Variants in WWP2 observed in about 807,000 individuals in gnomAD.
WWP2 encodes the protein NEDD4-like E3 ubiquitin-protein ligase WWP2.
A neutral mutation model predicts 121.0 loss-of-function variants in WWP2; 57 were observed. That is an observed-to-expected ratio of 0.47 (90% CI 0.38 to 0.59). The LOEUF (loss-of-function observed/expected upper bound fraction) is 0.59, where lower values mean the gene tolerates loss of function less well. Ranked by LOEUF, WWP2 falls within the 20% of genes least tolerant of loss-of-function variation. The probability of loss-of-function intolerance (pLI) is 0.00; values close to 1 mark genes in which losing one functional copy is unlikely to be tolerated. For missense variants in WWP2, 962 were observed against 1,158.9 expected, an observed-to-expected ratio of 0.83 and a Z score of 2.47; for synonymous variants, 449 against 441.3, an observed-to-expected ratio of 1.02 and a Z score of -0.22.
chr16:69,802,759 A>G (rs1318975857), intron 4 of WWP2, among the ~76,000 whole-genome samples: 1 of 151,796 alleles, frequency 6.6e-6, no homozygotes, highest in African/African-American at 2.4e-5. Flanking sequence ...ACCTGCCACC[A>G]TGCCCAGCTA....
At chr16:69,773,758 A>C (rs1360935101) in intron 1 of WWP2, among the ~76,000 whole-genome samples, 1 of 152,198 alleles carries the variant, frequency 6.6e-6, no homozygotes, top group Non-Finnish European at 1.5e-5. Flanking sequence ...CTTGGATTAC[A>C]GGCATGAGCC....
At chr16:69,929,568 G>T (rs374211311) in intron 12 of WWP2, 39 bp downstream of exon 12, 34 of 1,587,846 alleles carry the variant, frequency 2.1e-5, no homozygotes, top group Non-Finnish European at 1.7e-6. Context: ...GGCTGGGCTG[G>T]GTCTCTGTGC....
chr16:69,826,498 G>C (rs2056692984), intron 4 of WWP2, among the ~76,000 whole-genome samples: 1 of 151,042 alleles, frequency 6.6e-6, no homozygotes, highest in Non-Finnish European at 1.5e-5. Context: ...GCTGAACCCA[G>C]GAGGCAGAGG....
chr16:69,885,771 A>G (rs2057912095), intron 7 of WWP2, among the ~76,000 whole-genome samples: 1 of 152,206 alleles, frequency 6.6e-6, no homozygotes, highest in African/African-American at 2.4e-5. Context: ...AAGTGGGGAT[A>G]TCAATTGTAA....
At chr16:69,924,935 G>A (rs2058617689) in intron 10 of WWP2, 13 of 986,646 alleles carry the variant, frequency 1.3e-5, no homozygotes, top group Non-Finnish European at 1.6e-5. Flanking sequence ...GGAAGCTCTG[G>A]GCGTGGGCAG....
chr16:69,779,695 T>A (rs1018567695), intron 1 of WWP2, among the ~76,000 whole-genome samples: 1 of 152,216 alleles, frequency 6.6e-6, no homozygotes, highest in East Asian at 1.9e-4. Context: ...TTGAGTTGCC[T>A]TAGGAAAGAA....
chr16:69,812,735 C>A (rs1318558751), intron 4 of WWP2, among the ~76,000 whole-genome samples: 1 of 152,000 alleles, frequency 6.6e-6, no homozygotes, highest in Non-Finnish European at 1.5e-5. Context: ...GCAGGAACAC[C>A]CAGGAGTGAC....
rs758959430 is a variant in WWP2, at chr16:69,937,661, C to G, written c.2343+9C>G. 6.2e-7 allele frequency: 1 copy of G among 1,613,482 alleles called. No individual in the cohort carries two copies. Among genetic ancestry groups the G allele is most frequent in the African/African-American group, 1.3e-5 (1 of 74,858 alleles). ...TCCAGTGGTTCTGGCAGGTGGGTCC[C>G]GGGCCCAGGCCTTGGCAGGGACATT... is the stretch of plus-strand genomic sequence containing the variant. On this transcript the variant is annotated intron_variant, in intron 21 of 23. Coordinates refer to ENST00000359154, the MANE Select transcript of WWP2 (RefSeq NM_001270454.2). The surrounding 1 kb of genome is among the most constrained non-coding windows in gnomAD (Gnocchi z 6.6).
intron 7 of WWP2, among the ~76,000 whole-genome samples, chr16:69,879,840 A>G (rs930496030): frequency 3.9e-5 from 6 of 152,176 alleles, no homozygotes; most frequent in African/African-American, 1.4e-4. Flanking sequence ...AAGTTTTCCC[A>G]TATCACTGTT....
At chr16:69,900,928 G>C (rs568889440) in intron 8 of WWP2, among the ~76,000 whole-genome samples, 2 of 152,298 alleles carry the variant, frequency 1.3e-5, no homozygotes, top group African/African-American at 4.8e-5. Flanking sequence ...TCCTGTGTTT[G>C]GAGGCATAAA....
intron 4 of WWP2, among the ~76,000 whole-genome samples, chr16:69,810,094 G>A (rs2056359488): frequency 6.6e-6 from 1 of 152,232 alleles, no homozygotes; most frequent in Non-Finnish European, 1.5e-5. Flanking sequence ...ATGGGCGATG[G>A]TTGCCCTAAC....
At chr16:69,774,330 A>G (rs966155544) in intron 1 of WWP2, among the ~76,000 whole-genome samples, 2 of 151,830 alleles carry the variant, frequency 1.3e-5, no homozygotes, top group African/African-American at 2.4e-5. Flanking sequence ...ATCATAGCTC[A>G]CTGCAGCCTA....
intron 4 of WWP2, among the ~76,000 whole-genome samples, chr16:69,833,145 C>T (rs1047082947): frequency 1.3e-5 from 2 of 152,270 alleles, no homozygotes; most frequent in African/African-American, 4.8e-5. Flanking sequence ...AGGCGTGAGC[C>T]ACTGTGCTCA....
In WWP2 at chr16:69,799,375, T is replaced by G; in HGVS notation, c.340+80T>G. On this transcript the variant is annotated intron_variant, in intron 4 of 23. Transcript: ENST00000359154. The surrounding 1 kb of genome is among the most constrained non-coding windows in gnomAD (Gnocchi z 4.5). ...TGGCAGATCAACCTGGTATTGCAAT[T>G]TCCCCCAGGACTAGGGGCTGCAGTA... is the stretch of plus-strand genomic sequence containing the variant. 214 of 1,460,598 alleles carry G rather than the reference T, an allele frequency of 1.5e-4. No homozygotes were observed. Among genetic ancestry groups the G allele is most frequent in the East Asian group, 2.7e-4 (11 of 40,598 alleles). The allele number at this position is 1,460,598 out of a possible 1,614,324, so 90.5% of individuals were successfully genotyped here.
At chr16:69,845,240 G>A (rs558096891) in intron 6 of WWP2, among the ~76,000 whole-genome samples, 8 of 152,264 alleles carry the variant, frequency 5.3e-5, no homozygotes, top group African/African-American at 7.2e-5. Flanking sequence ...GGGAGCACTC[G>A]GTGGAAGTGG....
intron 4 of WWP2, among the ~76,000 whole-genome samples, chr16:69,822,534 T>G (rs988070323): frequency 4.0e-5 from 6 of 150,150 alleles, no homozygotes; most frequent in East Asian, 2.0e-4. Context: ...CTGGGTGGGG[T>G]GTGTGTGTGT....
At chr16:69,854,362 T>C (rs368303803) in intron 6 of WWP2, among the ~76,000 whole-genome samples, 1 of 152,130 alleles carries the variant, frequency 6.6e-6, no homozygotes, top group Non-Finnish European at 1.5e-5. Context: ...TTTGGTGAGA[T>C]GAGGTTCGAC....
intron 5 of WWP2, among the ~76,000 whole-genome samples, chr16:69,841,504 C>A (rs1353948145): frequency 6.6e-6 from 1 of 152,062 alleles, no homozygotes; most frequent in Non-Finnish European, 1.5e-5. Context: ...GAGGTGAGAT[C>A]AGAGAAACAG....
rs751646186 is a variant in WWP2, at chr16:69,930,119, C to T, written c.1317-11C>T. The T allele has an allele frequency of 2.6e-5, 42 of 1,613,662 alleles. No homozygotes were observed. The East Asian group carries it at 4.2e-4, about 16-fold the overall frequency. ...GGCCAGCCCTTCACCCTTTTCTTCC[C>T]GTGTTTCCAGGATGATCCAGGAACC... On this transcript the variant is annotated splice_polypyrimidine_tract_variant and intron_variant, in intron 12 of 23. Transcript: ENST00000359154.
Sources: gnomAD v4.1 joint callset for allele counts (sites outside exome capture counted in the v4.1 genomes callset) on GRCh38, gnomAD v4.1.1 for gene constraint, Gnocchi (gnomAD v3.1) non-coding constraint, MANE v1.5 for transcripts, NCBI Gene and HGNC (gene_info 2026-07-23, HGNC 2026-07-21) for gene names.